HLCS: variants seen among roughly 807,000 people sequenced by gnomAD.
The protein encoded by HLCS is holocarboxylase synthetase.
A neutral mutation model predicts 75.0 loss-of-function variants in HLCS; 53 were observed. The observed-to-expected ratio is 0.71, with a 90% confidence interval of 0.57 to 0.89. The LOEUF (loss-of-function observed/expected upper bound fraction) is 0.89. Among genes scored for constraint, HLCS ranks in the 40% least tolerant of loss-of-function variants. The pLI, the probability that HLCS is intolerant of heterozygous loss-of-function variation, is 0.00. For synonymous variants in HLCS, 431 were observed against 428.6 expected (o/e 1.01, Z -0.07); for missense variants, 966 against 1,074.0 (o/e 0.90, Z 1.41).
intron 9 of HLCS, among the ~76,000 whole-genome samples, chr21:36,757,451 C>A (rs562492390): frequency 3.9e-4 from 59 of 152,218 alleles, no homozygotes; most frequent in Middle Eastern, 3.4e-3. Flanking sequence ...AGGCAGAGGG[C>A]GGTGTCTTCA....
intron 6 of HLCS, among the ~76,000 whole-genome samples, chr21:36,792,458 G>C (rs551583964): frequency 3.1e-4 from 46 of 150,288 alleles, no homozygotes; most frequent in Non-Finnish European, 4.9e-4. Flanking sequence ...AAGGAGAAGG[G>C]GGGGAGGGAA....
At chr21:36,773,707 C>T (rs936785831) in intron 6 of HLCS, among the ~76,000 whole-genome samples, 3 of 152,046 alleles carry the variant, frequency 2.0e-5, no homozygotes, top group African/African-American at 7.2e-5. Flanking sequence ...TGGGAGGTGG[C>T]GAGGAAGAGG....
intron 6 of HLCS, among the ~76,000 whole-genome samples, chr21:36,824,211 C>A (rs1049237531): frequency 3.9e-5 from 6 of 152,264 alleles, no homozygotes; most frequent in Admixed American, 3.3e-4. Context: ...TAATGATAGA[C>A]TGGATAAAGA....
intron 1 of HLCS, among the ~76,000 whole-genome samples, chr21:36,985,177 A>G (rs1329925421): frequency 6.6e-6 from 1 of 152,256 alleles, no homozygotes; most frequent in East Asian, 1.9e-4. Flanking sequence ...TCCAATGCTA[A>G]TAACTGCTAT....
chr21:36,828,734 A>G (rs1458990216), intron 6 of HLCS, among the ~76,000 whole-genome samples: 1 of 152,240 alleles, frequency 6.6e-6, no homozygotes, highest in Non-Finnish European at 1.5e-5. Context: ...TGTAAATTTG[A>G]TTGCATAAAT....
At chr21:36,845,319 T>C (rs2062760114) in intron 6 of HLCS, among the ~76,000 whole-genome samples, 1 of 152,088 alleles carries the variant, frequency 6.6e-6, no homozygotes, top group Admixed American at 6.5e-5. Flanking sequence ...TAAGCCATAA[T>C]GAACATGGGC....
Position 36,936,555 on chromosome 21 carries a change from C to A in HLCS, c.1331G>T (p.Arg444Leu). The A allele has an allele frequency of 1.9e-6, 3 of 1,614,192 alleles. No individual in the cohort carries two copies. The highest frequency in any genetic ancestry group is 2.5e-6 in the Non-Finnish European group (3 of 1,180,018). ...GCCCTGGAGCCTGCCGGGGCTGAGC[C>A]GGACGGGGCCTTCCTGGTACCTGCA... is the stretch of plus-strand genomic sequence containing the variant. ...SGCRYQEGPV[R>L]LSPGRLQGHL... Residue 444 changes from arginine to leucine, a missense_variant, in exon 4 of 11, where the codon CGG becomes CTG. Arg to Leu is a moderately radical substitution (Grantham distance 102). Transcript: ENST00000674895.
chr21:36,773,670 A>G (rs1293918753), intron 6 of HLCS, among the ~76,000 whole-genome samples: 1 of 152,080 alleles, frequency 6.6e-6, no homozygotes, highest in Admixed American at 6.5e-5. Flanking sequence ...AGAGACACAC[A>G]CTCTCATGAG....
rs150018587 is a variant in HLCS, at chr21:36,952,582, A to G, written c.330+9454T>C. On this transcript the variant is annotated intron_variant, in intron 2 of 10. Coordinates refer to ENST00000674895, the MANE Select transcript of HLCS (RefSeq NM_001352514.2). Reference sequence around the variant, plus strand: ...GCCAAGGCGGGCAGATCATGAGGTCAGGAGATGGAGACCATCCTGGCCAAC... The same window carrying G: ...GCCAAGGCGGGCAGATCATGAGGTCGGGAGATGGAGACCATCCTGGCCAAC... Among the ~76,000 whole-genome samples, 20 of 152,230 alleles carry G rather than the reference A, an allele frequency of 1.3e-4. No individual in the cohort carries two copies. The East Asian group carries it at 3.9e-3, about 29-fold the overall frequency.
intron 6 of HLCS, among the ~76,000 whole-genome samples, chr21:36,882,447 T>C (rs750402778): frequency 2.0e-5 from 3 of 151,816 alleles, no homozygotes; most frequent in Non-Finnish European, 2.9e-5. Context: ...TGTTTTGTTT[T>C]GTTTTGTTTT....
intron 6 of HLCS, among the ~76,000 whole-genome samples, chr21:36,791,727 G>T (rs1418147698): frequency 6.6e-6 from 1 of 152,082 alleles, no homozygotes; most frequent in Non-Finnish European, 1.5e-5. Flanking sequence ...CGAGGGCCAC[G>T]GAAGCGGGTG....
At position 36,937,046 on chromosome 21, in the gene HLCS, G is replaced by C; in HGVS notation, c.840C>G (p.Tyr280Ter). 6.2e-7 allele frequency: 1 copy of C among 1,614,106 alleles called. No homozygotes were observed. Residue 280 changes from tyrosine to a stop codon, truncating the protein, a stop_gained, in exon 4 of 11, where the codon TAC becomes TAG. Coordinates refer to ENST00000674895, the MANE Select transcript of HLCS (RefSeq NM_001352514.2). LOFTEE classifies it high-confidence loss of function. ...CACTCTCCAAACTGCTGCTATAATC[G>C]TAGGGAAGGTCTGGAATGTTCTCGG... is the stretch of plus-strand genomic sequence containing the variant. ...ASAENIPDLP[Y>*]DYSSSLESVA...
chr21:36,820,744 G>A (rs573084875), intron 6 of HLCS, among the ~76,000 whole-genome samples: 50 of 152,346 alleles, frequency 3.3e-4, no homozygotes, highest in South Asian at 1.7e-3. Context: ...GCTGCAGAAG[G>A]CAGACAGGCT....
At chr21:36,899,125 T>A (rs1421571378) in intron 5 of HLCS, among the ~76,000 whole-genome samples, 3 of 152,100 alleles carry the variant, frequency 2.0e-5, no homozygotes, top group African/African-American at 7.2e-5. Flanking sequence ...TGTATATACG[T>A]CATGAAATCT....
At chr21:36,767,417 C>T in intron 6 of HLCS, 132 bp from the exon 7 acceptor site, 1 of 818,522 alleles carries the variant, frequency 1.2e-6, no homozygotes, top group African/African-American at 1.7e-5. Context: ...TTTGGTTCCA[C>T]TGGCCTTCAG....
intron 6 of HLCS, among the ~76,000 whole-genome samples, chr21:36,793,293 G>GTTTTTTTTTTTTTT (rs1569018321): frequency 3.7e-5 from 4 of 108,498 alleles, no homozygotes; most frequent in Non-Finnish European, 4.2e-5. Context: ...GCAGGAAGCA[G>GTTTTTTTTTTTTTT]TCTTTTTTTT....
At chr21:36,779,529 A>G (rs1391623067) in intron 6 of HLCS, among the ~76,000 whole-genome samples, 4 of 152,146 alleles carry the variant, frequency 2.6e-5, no homozygotes, top group Non-Finnish European at 5.9e-5. Flanking sequence ...CATTATCTAC[A>G]CTATTTATTC....
chr21:36,783,822 TACAC>T (rs34087473), intron 6 of HLCS, among the ~76,000 whole-genome samples: 5 of 151,338 alleles, frequency 3.3e-5, no homozygotes, highest in Middle Eastern at 3.4e-3. Context: ...CACATGCACA[TACAC>T]ACACACACAT....
chr21:36,938,960 G>T lies in HLCS; in HGVS notation c.365C>A (p.Ala122Asp). The change falls in exon 3 of 11, where the codon GCT becomes GAT. Residue 122 changes from alanine to aspartate, a missense_variant. Ala to Asp is a moderately radical substitution (Grantham distance 126). Transcript: ENST00000674895. Reference protein sequence around the residue: ...VKWSDCCLPLACRPGDPYRLI... With the variant: ...VKWSDCCLPLDCRPGDPYRLI... ...CCGATAAGGATCCCCAGGTCTGCAA[G>T]CTAATGGCAAACAACAGTCTGACCA... 1 of 1,611,468 alleles carries T rather than the reference G, an allele frequency of 6.2e-7. No individual in the cohort carries two copies.
Sources: allele counts gnomAD v4.1 joint callset (sites outside exome capture counted in the v4.1 genomes callset), GRCh38; gene constraint gnomAD v4.1.1; transcripts MANE v1.5; gene names NCBI Gene and HGNC (gene_info 2026-07-23, HGNC 2026-07-21).